The following CXCL14 variants were observed in gnomAD, a reference collection of about 807,000 sequenced individuals.
CXCL14 encodes the protein C-X-C motif chemokine ligand 14.
In CXCL14, 9 loss-of-function variants were observed where a neutral mutation model predicts 16.1. The ratio of observed to expected loss-of-function variants is 0.56; its 90% CI spans 0.34 to 0.97. The LOEUF is 0.97. CXCL14 is among the 50% of genes least tolerant of loss of function. The pLI, the probability that CXCL14 is intolerant of heterozygous loss-of-function variation, is 0.02. For synonymous variants in CXCL14, 55 were observed against 52.8 expected, an observed-to-expected ratio of 1.04 and a Z score of -0.18; for missense variants, 111 against 132.5, an observed-to-expected ratio of 0.84 and a Z score of 0.80.
At chr5:135,571,987 G>T in intron 3 of CXCL14, 119 bp from the exon 4 acceptor site, 1 of 970,950 alleles carries the variant, frequency 1.0e-6, no homozygotes, top group Non-Finnish European at 1.6e-6. Context: ...TCCCAGAACT[G>T]CAGGAACCCC....
chr5:135,574,749 G>T lies in CXCL14; in HGVS notation c.171-64C>A, dbSNP rs1160449865. On this transcript the variant is annotated intron_variant, in intron 2 of 3. Coordinates refer to ENST00000512158, the MANE Select transcript of CXCL14 (RefSeq NM_004887.5). ...TGAATAACATGTTGCCTCTTGTGTG[G>T]CCTGTGAGTAGCCCTGGGCTAAGTC... is the stretch of plus-strand genomic sequence containing the variant. 8.1e-6 allele frequency: 11 copies of T among 1,350,148 alleles called. No homozygotes were observed. The East Asian group carries it at 2.5e-4, about 31-fold the overall frequency. The allele number at this position is 1,350,148 out of a possible 1,614,324, so 83.6% of individuals were successfully genotyped here.
chr5:135,578,585 T>G (rs367776635), intron 1 of CXCL14, 46 bp from the exon 2 acceptor site: 5 of 1,603,444 alleles, frequency 3.1e-6, no homozygotes, highest in Non-Finnish European at 2.6e-6. Context: ...GGCGGTCTCC[T>G]GCCCCTCGAC....
chr5:135,577,488 G>C (rs1263165586), intron 2 of CXCL14, among the ~76,000 whole-genome samples: 1 of 152,222 alleles, frequency 6.6e-6, no homozygotes, highest in African/African-American at 2.4e-5. Context: ...AGACGGGGAT[G>C]GGGGGTGCTG....
intron 2 of CXCL14, among the ~76,000 whole-genome samples, chr5:135,575,506 A>G (rs901328941): frequency 6.6e-6 from 1 of 152,216 alleles, no homozygotes; most frequent in Non-Finnish European, 1.5e-5. Flanking sequence ...TAATAATAGG[A>G]CTATCTCACA....
chr5:135,574,856 G>A (rs780992373), intron 2 of CXCL14, among the ~76,000 whole-genome samples, 171 bp from the exon 3 acceptor site: 4 of 152,186 alleles, frequency 2.6e-5, no homozygotes, highest in Admixed American at 2.0e-4. Flanking sequence ...CTCTTTGGAA[G>A]GTTCTGGTTG....
intron 3 of CXCL14, among the ~76,000 whole-genome samples, chr5:135,573,500 C>A (rs1419193026): frequency 1.3e-5 from 2 of 152,108 alleles, no homozygotes; most frequent in Non-Finnish European, 2.9e-5. Context: ...GAGGGGAGGG[C>A]AATGCAGGCA....
chr5:135,577,796 C>A (rs1339875683), intron 2 of CXCL14, among the ~76,000 whole-genome samples: 1 of 152,216 alleles, frequency 6.6e-6, no homozygotes, highest in African/African-American at 2.4e-5. Flanking sequence ...CAACATTCCC[C>A]ACATCCCCAC....
Position 135,574,627 on chromosome 5 carries a change from G to A in CXCL14, c.229C>T (p.Leu77=), listed in dbSNP as rs757089753. ...RGQEHCLHPK[L]QSTKRFIKWY... Reference sequence around the variant, plus strand: ...TTGATGAAGCGCTTGGTGCTCTGCAGCTTGGGGTGCAGGCAGTGCTCCTGA... The same window carrying A: ...TTGATGAAGCGCTTGGTGCTCTGCAACTTGGGGTGCAGGCAGTGCTCCTGA... Residue 77 remains leucine (L), a synonymous_variant, in exon 3 of 4, where the codon CTG becomes TTG. Transcript: ENST00000512158. 3.7e-6 allele frequency: 6 copies of A among 1,613,726 alleles called. No individual in the cohort carries two copies. The South Asian group carries it at 5.5e-5, about 15-fold the overall frequency.
rs566365690 is a variant in CXCL14 at position 135,571,742 on chromosome 5, C to CTTT, written c.*108_*110dup. On this transcript the variant is annotated 3_prime_UTR_variant, in exon 4 of 4. Coordinates refer to ENST00000512158, the MANE Select transcript of CXCL14 (RefSeq NM_004887.5). ...GTCTTATGCCTGTGAGAAAGAAAGG[C>CTTT]TTTTTTTTTTTTTTTTTTTTTTTTT... The CTTT allele has an allele frequency of 1.0e-4, 47 of 460,518 alleles. 2 individuals are homozygous for CTTT. Among genetic ancestry groups the CTTT allele is most frequent in the Non-Finnish European group, 1.1e-4 (32 of 299,098 alleles). 28.5% of individuals were successfully genotyped at this position (460,518 alleles called of 1,614,324 possible).
At chr5:135,573,215 T>C (rs1751051402) in intron 3 of CXCL14, among the ~76,000 whole-genome samples, 3 of 152,200 alleles carry the variant, frequency 2.0e-5, no homozygotes. Context: ...TCTGCCAGTT[T>C]TGATGACACA....
Position 135,570,900 on chromosome 5 carries a change from A to C in CXCL14, c.*953T>G, listed in dbSNP as rs1245404218. ...CTTTCGAAAGAGGACTGCACTGTTTAACATTGAAGAATTACATGGGGAATC... is the reference window on the plus strand; with the variant it reads ...CTTTCGAAAGAGGACTGCACTGTTTCACATTGAAGAATTACATGGGGAATC... On this transcript the variant is annotated 3_prime_UTR_variant, in exon 4 of 4. Coordinates refer to ENST00000512158, the MANE Select transcript of CXCL14 (RefSeq NM_004887.5). The C allele has an allele frequency of 2.6e-5, 4 of 152,200 alleles. No individual in the cohort carries two copies. The highest frequency in any genetic ancestry group is 9.7e-5 in the African/African-American group (4 of 41,436). The allele number at this position is 152,200 out of a possible 1,614,324, so 9.4% of individuals were successfully genotyped here. A position where few individuals can be genotyped will look rare whatever the true frequency, so the allele number is the denominator to read the frequency against.
At chr5:135,573,550 G>A (rs958653784) in intron 3 of CXCL14, among the ~76,000 whole-genome samples, 10 of 152,138 alleles carry the variant, frequency 6.6e-5, no homozygotes, top group African/African-American at 2.2e-4. Context: ...AGGGCAGCTG[G>A]TGGGGTAGCA....
chr5:135,577,038 A>T (rs1025931700), intron 2 of CXCL14, among the ~76,000 whole-genome samples: 2 of 152,078 alleles, frequency 1.3e-5, no homozygotes, highest in African/African-American at 4.8e-5. Flanking sequence ...CCTTTCTCAC[A>T]CTTGCCTAGC....
In CXCL14 at chr5:135,578,570, T is replaced by A. The variant is rs371398248; in HGVS notation, c.65-31A>T. On this transcript the variant is annotated intron_variant, in intron 1 of 3. Coordinates refer to ENST00000512158, the MANE Select transcript of CXCL14 (RefSeq NM_004887.5). ...AGCGAGCGCGGGGCAACGGCTTAGT[T>A]GCTAGGCGGTCTCCTGCCCCTCGAC... 5 of 1,609,574 alleles carry A rather than the reference T, an allele frequency of 3.1e-6. No homozygotes were observed. In the African/African-American group the frequency reaches 6.7e-5, roughly 22 times the overall value.
chr5:135,573,286 T>C (rs1006884971), intron 3 of CXCL14, among the ~76,000 whole-genome samples: 4 of 152,248 alleles, frequency 2.6e-5, no homozygotes, highest in Admixed American at 6.5e-5. Context: ...ATGAGCTGCC[T>C]GGCTTGACCA....
chr5:135,572,245 TC>T (rs1751040803), intron 3 of CXCL14, among the ~76,000 whole-genome samples: 1 of 152,198 alleles, frequency 6.6e-6, no homozygotes, highest in Non-Finnish European at 1.5e-5. Flanking sequence ...GGCGGGCTGC[TC>T]CCACACCTCC....
At position 135,578,844 on chromosome 5, in the gene CXCL14, G is replaced by A. The variant is rs1580696184; in HGVS notation, c.-66C>T. On this transcript the variant is annotated 5_prime_UTR_variant, in exon 1 of 4. Transcript: ENST00000512158. ...AGGGCGCTGGCCCGTCGGAGCGGCG[G>A]CCCGGAGACGCCACCCAGCTCTGCT... 1 of 1,447,522 alleles carries A rather than the reference G, an allele frequency of 6.9e-7. No homozygotes were observed. The highest frequency in any genetic ancestry group is 9.1e-7 in the Non-Finnish European group (1 of 1,097,784). The allele number at this position is 1,447,522 out of a possible 1,614,324, so 89.7% of individuals were successfully genotyped here. A position where few individuals can be genotyped will look rare whatever the true frequency, so the allele number is the denominator to read the frequency against.
intron 3 of CXCL14, among the ~76,000 whole-genome samples, chr5:135,573,726 G>T (rs1054369816): frequency 6.6e-6 from 1 of 152,026 alleles, no homozygotes; most frequent in Non-Finnish European, 1.5e-5. Context: ...GTGTGTGTGT[G>T]TGTGTGTGTG....
chr5:135,576,553 G>C (rs181421321), intron 2 of CXCL14, among the ~76,000 whole-genome samples: 2 of 152,262 alleles, frequency 1.3e-5, no homozygotes, highest in East Asian at 3.9e-4. Context: ...AGGGATTTGT[G>C]ACTCCAGCAA....
Sources: allele counts gnomAD v4.1 joint callset (sites outside exome capture counted in the v4.1 genomes callset), GRCh38; gene constraint gnomAD v4.1.1; transcripts MANE v1.5; gene names NCBI Gene and HGNC (gene_info 2026-07-23, HGNC 2026-07-21).